DUSP11: variants seen among roughly 807,000 people sequenced by gnomAD.
The protein encoded by DUSP11 is RNA/RNP complex-1-interacting phosphatase.
DUSP11 carries 27 observed loss-of-function variants against 41.4 expected under a neutral mutation model. That is an observed-to-expected ratio of 0.65 (90% confidence interval 0.48 to 0.90). The LOEUF is 0.90. Among genes scored for constraint, DUSP11 ranks in the 40% least tolerant of loss-of-function variants. The pLI is 0.00. For synonymous variants in DUSP11, 188 were observed against 159.3 expected (o/e 1.18, Z -1.35); for missense variants, 465 against 461.1 (o/e 1.01, Z -0.08).
At chr2:73,769,352 T>A (rs780838867) in intron 4 of DUSP11, 27 bp from the exon 5 acceptor site, 1 of 1,502,458 alleles carries the variant, frequency 6.7e-7, no homozygotes, top group Non-Finnish European at 9.3e-7. Context: ...CAGGGTTAAG[T>A]AACTGAAGTA....
At chr2:73,769,057 T>C in intron 5 of DUSP11, 2 of 492,456 alleles carry the variant, frequency 4.1e-6, no homozygotes, top group South Asian at 3.9e-5. Flanking sequence ...TATTATACCA[T>C]TCAATAACAT....
At chr2:73,766,718 TCCC>T (rs766896290) in intron 7 of DUSP11, 107 bp downstream of exon 7, 177 of 1,354,052 alleles carry the variant, frequency 1.3e-4, no homozygotes, top group Non-Finnish European at 1.6e-4. Context: ...TGTTTACATC[TCCC>T]CCCAACAAAC....
chr2:73,766,491 G>C, exon 8 of DUSP11: 1 of 1,614,124 alleles, frequency 6.2e-7, no homozygotes, highest in East Asian at 2.2e-5. Context: ...ATCTGATGTA[G>C]ATTATACCTA....
intron 6 of DUSP11, 54 bp from the exon 7 acceptor site, chr2:73,766,957 G>T (rs1046388639): frequency 3.3e-6 from 5 of 1,506,846 alleles, no homozygotes; most frequent in African/African-American, 2.8e-5. Flanking sequence ...GATCTTTCCA[G>T]AAAAAGCAAA....
chr2:73,775,409 T>A (rs1236290344), intron 2 of DUSP11, among the ~76,000 whole-genome samples: 2 of 148,902 alleles, frequency 1.3e-5, no homozygotes, highest in Non-Finnish European at 3.0e-5. Flanking sequence ...TGTTGCTCTG[T>A]CATCCGTCAT....
intron 8 of DUSP11, among the ~76,000 whole-genome samples, chr2:73,763,100 T>C (rs1280995108): frequency 1.3e-5 from 2 of 152,122 alleles, no homozygotes; most frequent in African/African-American, 4.8e-5. Context: ...TGAAGCTAAA[T>C]TAAAAAAATA....
chr2:73,779,673 A>C, intron 1 of DUSP11: 1 of 782,100 alleles, frequency 1.3e-6, no homozygotes. Flanking sequence ...CTTTTACAAG[A>C]ATATGGAGAA....
exon 4 of DUSP11, chr2:73,773,815 C>G (rs768152174): frequency 1.9e-6 from 3 of 1,606,546 alleles, no homozygotes; most frequent in Non-Finnish European, 2.6e-6. Flanking sequence ...TCTTTATTTT[C>G]TTTCAAAAAC....
chr2:73,777,117 A>T (rs1022009268), intron 2 of DUSP11, among the ~76,000 whole-genome samples: 1 of 152,094 alleles, frequency 6.6e-6, no homozygotes, highest in Admixed American at 6.6e-5. Flanking sequence ...AGCAGCTGAG[A>T]CTACAAGCAC....
chr2:73,764,280 A>AT (rs1672416652), intron 8 of DUSP11, among the ~76,000 whole-genome samples: 1 of 152,084 alleles, frequency 6.6e-6, no homozygotes, highest in African/African-American at 2.4e-5. Flanking sequence ...AAAAATGTCA[A>AT]TTTTTTTAAA....
exon 9 of DUSP11, chr2:73,762,651 C>T: frequency 6.2e-7 from 1 of 1,600,728 alleles, no homozygotes; most frequent in African/African-American, 1.3e-5. Context: ...AATTCCAGGA[C>T]AGGTTTGTAT....
intron 5 of DUSP11, chr2:73,767,410 C>T (rs765179976): frequency 2.2e-5 from 10 of 457,220 alleles, no homozygotes; most frequent in Non-Finnish European, 3.1e-5. Context: ...GACCCAACTC[C>T]AGAAAATCTA....
chr2:73,764,608 A>G (rs191792901), intron 8 of DUSP11, among the ~76,000 whole-genome samples: 181 of 152,356 alleles, frequency 1.2e-3, no homozygotes, highest in Non-Finnish European at 3.1e-4. Context: ...CAGGTGAGTA[A>G]CAAAGCCAAC....
chr2:73,763,702 A>T (rs1258791894), intron 8 of DUSP11, among the ~76,000 whole-genome samples: 1 of 152,158 alleles, frequency 6.6e-6, no homozygotes, highest in African/African-American at 2.4e-5. Context: ...CAGCCCGGGC[A>T]ACAAGAGCAA....
At chr2:73,775,526 G>A (rs1672663218) in intron 2 of DUSP11, among the ~76,000 whole-genome samples, 2 of 144,792 alleles carry the variant, frequency 1.4e-5, no homozygotes, top group Admixed American at 1.4e-4. Context: ...CTACAGGCAT[G>A]AACCACCACA....
exon 9 of DUSP11, chr2:73,762,562 C>G (rs1354824603): frequency 1.1e-6 from 1 of 873,910 alleles, no homozygotes; most frequent in Non-Finnish European, 1.7e-6. Context: ...CATAAGGGAA[C>G]AATAAAGAAA....
rs1177888824 is a variant in DUSP11 at position 73,775,374 on chromosome 2, T to C, written c.319-330A>G. Among the ~76,000 whole-genome samples the C allele has an allele frequency of 4.0e-5, 6 of 148,936 alleles. No individual in the cohort carries two copies. The East Asian group carries it at 9.8e-4, about 24-fold the overall frequency. ...GTGCTTATAAATATTTCTTTTCTTT[T>C]TTTTTTTTTTTTTTTGAAACAGGGT... On this transcript the variant is annotated intron_variant, in intron 2 of 8. Transcript: ENST00000272444.
In DUSP11 at chr2:73,771,914, G is replaced by A. The variant is rs181435552; in HGVS notation, c.574+1886C>T. Among the ~76,000 whole-genome samples, 656 of 145,504 alleles carry A rather than the reference G, an allele frequency of 4.5e-3. 7 individuals are homozygous for A. Among genetic ancestry groups the A allele is most frequent in the African/African-American group, 0.016 (623 of 39,338 alleles). On this transcript the variant is annotated intron_variant, in intron 4 of 8. Coordinates refer to ENST00000272444, the Ensembl canonical transcript of DUSP11. ...CCGCTCACTGAAAGCTCCGCCTCCCGGGTTCACGCCATTCTCCTGCCTCAG... is the reference window on the plus strand; with the variant it reads ...CCGCTCACTGAAAGCTCCGCCTCCCAGGTTCACGCCATTCTCCTGCCTCAG...
intron 4 of DUSP11, among the ~76,000 whole-genome samples, chr2:73,771,021 T>C (rs1672563168): frequency 6.6e-6 from 1 of 152,216 alleles, no homozygotes; most frequent in Non-Finnish European, 1.5e-5. Flanking sequence ...TTTAAGGTTC[T>C]GCTCAAATGA....
Sources: gnomAD v4.1 joint callset for allele counts (sites outside exome capture counted in the v4.1 genomes callset) on GRCh38, gnomAD v4.1.1 for gene constraint, MANE v1.5 for transcripts, NCBI Gene and HGNC (gene_info 2026-07-23, HGNC 2026-07-21) for gene names.